SAMD4A: variants seen among roughly 807,000 people sequenced by gnomAD.
The protein encoded by SAMD4A is protein Smaug homolog 1.
Under a neutral mutation model 81.3 loss-of-function variants are expected in SAMD4A, and 33 were observed. That is an observed-to-expected ratio of 0.41 (90% CI 0.31 to 0.54). The LOEUF is 0.54. Ranked by LOEUF, SAMD4A falls within the 20% of genes least tolerant of loss-of-function variation. SAMD4A has a pLI of 0.37. For synonymous variants in SAMD4A, 389 were observed against 382.1 expected (o/e 1.02, Z -0.21); for missense variants, 854 against 951.1 (o/e 0.90, Z 1.34).
intron 3 of SAMD4A, among the ~76,000 whole-genome samples, chr14:54,733,904 TA>T (rs762739716): frequency 5.9e-5 from 9 of 152,008 alleles, no homozygotes; most frequent in Admixed American, 1.3e-4. Context: ...TCTCTTAGTT[TA>T]AAAAGGGGAG....
At chr14:54,596,459 C>T (rs1326552283) in intron 2 of SAMD4A, among the ~76,000 whole-genome samples, 1 of 152,130 alleles carries the variant, frequency 6.6e-6, no homozygotes, top group Non-Finnish European at 1.5e-5. Context: ...GTGGTGCGTG[C>T]CTGTAATCCC....
At chr14:54,753,118 T>C (rs1305109473) in intron 6 of SAMD4A, among the ~76,000 whole-genome samples, 1 of 152,242 alleles carries the variant, frequency 6.6e-6, no homozygotes, top group Admixed American at 6.5e-5. Context: ...CCTTCCTCTA[T>C]CTCAACTGCA....
chr14:54,724,965 A>G (rs1204939370), intron 3 of SAMD4A, among the ~76,000 whole-genome samples: 3 of 152,166 alleles, frequency 2.0e-5, no homozygotes, highest in Non-Finnish European at 4.4e-5. Flanking sequence ...ATCACAGGCA[A>G]TTGGCTCTAG....
chr14:54,706,317 A>G (rs1411945683), intron 3 of SAMD4A, among the ~76,000 whole-genome samples: 1 of 148,626 alleles, frequency 6.7e-6, no homozygotes, highest in East Asian at 2.0e-4. Context: ...AAGAAAGAAA[A>G]AAAAGACCGG....
intron 2 of SAMD4A, among the ~76,000 whole-genome samples, chr14:54,653,298 TTAA>T (rs1216122837): frequency 1.5e-4 from 19 of 124,044 alleles, no homozygotes; most frequent in Middle Eastern, 4.4e-3. Context: ...AGACTTCCTC[TTAA>T]TATTATTATT....
chr14:54,662,556 C>A (rs891016832), intron 2 of SAMD4A, among the ~76,000 whole-genome samples: 1 of 151,918 alleles, frequency 6.6e-6, no homozygotes, highest in Admixed American at 6.6e-5. Context: ...ACTACAGGTG[C>A]ATGCCCCCAC....
intron 2 of SAMD4A, among the ~76,000 whole-genome samples, chr14:54,591,366 A>G (rs2033770383): frequency 6.6e-6 from 1 of 152,230 alleles, no homozygotes; most frequent in South Asian, 2.1e-4. Flanking sequence ...GCTAGAAATC[A>G]GGCAATGTAC....
chr14:54,657,496 C>T (rs1311487451), intron 2 of SAMD4A, among the ~76,000 whole-genome samples: 1 of 152,154 alleles, frequency 6.6e-6, no homozygotes, highest in African/African-American at 2.4e-5. Context: ...GTTCTCCCAC[C>T]AGATGCTAAG....
chr14:54,699,203 C>T (rs141507158), intron 2 of SAMD4A, among the ~76,000 whole-genome samples: 2 of 152,306 alleles, frequency 1.3e-5, no homozygotes, highest in Non-Finnish European at 2.9e-5. Context: ...ATGCTAAGCA[C>T]ATTCATCATT....
chr14:54,674,376 T>C (rs2035946481), intron 2 of SAMD4A, among the ~76,000 whole-genome samples: 1 of 152,278 alleles, frequency 6.6e-6, no homozygotes, highest in African/African-American at 2.4e-5. Flanking sequence ...AAAAGCAGCT[T>C]GTTCAAAACT....
chr14:54,571,940 C>T (rs577049460), intron 2 of SAMD4A, among the ~76,000 whole-genome samples: 26 of 152,254 alleles, frequency 1.7e-4, no homozygotes, highest in African/African-American at 5.8e-4. Context: ...AGTATGCCAT[C>T]CTCCACCCTG....
intron 9 of SAMD4A, among the ~76,000 whole-genome samples, chr14:54,773,847 T>G (rs1343323261): frequency 6.6e-6 from 1 of 152,220 alleles, no homozygotes; most frequent in Non-Finnish European, 1.5e-5. Flanking sequence ...TTCAACTGCA[T>G]TCACTGTGCA....
At chr14:54,730,709 C>T (rs987763689) in intron 3 of SAMD4A, among the ~76,000 whole-genome samples, 1 of 152,196 alleles carries the variant, frequency 6.6e-6, no homozygotes, top group African/African-American at 2.4e-5. Flanking sequence ...ATATTCCCCT[C>T]TCTTCCTCTC....
chr14:54,709,940 A>C (rs930783350), intron 3 of SAMD4A, among the ~76,000 whole-genome samples: 2 of 152,180 alleles, frequency 1.3e-5, no homozygotes. Flanking sequence ...AGTTGCCCCA[A>C]ACTGCCTTTC....
chr14:54,703,287 A>C (rs1297809410), intron 3 of SAMD4A: 1 of 152,140 alleles, frequency 6.6e-6, no homozygotes, highest in Non-Finnish European at 1.5e-5. Flanking sequence ...TGCTCTTTTG[A>C]CCACTAAAGC....
intron 4 of SAMD4A, among the ~76,000 whole-genome samples, chr14:54,739,055 C>CTT (rs3051648): frequency 0.48 from 47,081 of 97,150 alleles, 12,373 homozygotes; most frequent in Non-Finnish European, 0.56. Flanking sequence ...CTTTCCTTTT[C>CTT]TTTTTTTTTT....
chr14:54,630,386 G>T (rs551404860), intron 2 of SAMD4A, among the ~76,000 whole-genome samples: 1 of 152,296 alleles, frequency 6.6e-6, no homozygotes, highest in East Asian at 1.9e-4. Flanking sequence ...CAATGAATAT[G>T]AGATGATATT....
At chr14:54,601,704 A>G (rs2034057225) in intron 2 of SAMD4A, among the ~76,000 whole-genome samples, 2 of 152,200 alleles carry the variant, frequency 1.3e-5, no homozygotes, top group Non-Finnish European at 2.9e-5. Flanking sequence ...CCTCCCGTGG[A>G]GGCTCCAATG....
intron 4 of SAMD4A, among the ~76,000 whole-genome samples, chr14:54,743,587 C>A (rs2037895180): frequency 6.6e-6 from 1 of 152,246 alleles, no homozygotes; most frequent in Non-Finnish European, 1.5e-5. Context: ...TGCTTTAAAA[C>A]AGCACTTTCG....
Sources: allele counts gnomAD v4.1 joint callset (sites outside exome capture counted in the v4.1 genomes callset), GRCh38; gene constraint gnomAD v4.1.1; transcripts MANE v1.5; gene names NCBI Gene and HGNC (gene_info 2026-07-23, HGNC 2026-07-21).